Variants in CPEB3 observed in about 807,000 individuals in gnomAD.
The protein encoded by CPEB3 is cytoplasmic polyadenylation element-binding protein 3.
In CPEB3, 20 loss-of-function variants were observed where a neutral mutation model predicts 67.2. The ratio of observed to expected loss-of-function variants is 0.30; its 90% CI spans 0.21 to 0.43. The LOEUF is 0.43. Among genes scored for constraint, CPEB3 ranks in the 20% least tolerant of loss-of-function variants. CPEB3 has a pLI of 1.00. For synonymous variants in CPEB3, 376 were observed against 393.1 expected, an observed-to-expected ratio of 0.96 and a Z score of 0.51; for missense variants, 746 against 968.6, an observed-to-expected ratio of 0.77 and a Z score of 3.05.
intron 1 of CPEB3, among the ~76,000 whole-genome samples, chr10:92,244,617 T>C (rs1262970116): frequency 6.6e-6 from 1 of 151,876 alleles, no homozygotes; most frequent in Non-Finnish European, 1.5e-5. Context: ...TTTTGTATTT[T>C]TAGTAGAAAA....
chr10:92,258,466 T>C (rs1193261289), intron 1 of CPEB3, among the ~76,000 whole-genome samples: 5 of 151,650 alleles, frequency 3.3e-5, no homozygotes, highest in Non-Finnish European at 7.4e-5. Context: ...AATGAAATAG[T>C]GCAGATAAAT....
intron 6 of CPEB3, among the ~76,000 whole-genome samples, chr10:92,134,693 C>A (rs1360167900): frequency 3.3e-5 from 5 of 151,892 alleles, no homozygotes; most frequent in African/African-American, 1.2e-4. Context: ...CAAAAAAGAG[C>A]CCGCATTGCC....
chr10:92,172,122 C>T (rs1029486943), intron 4 of CPEB3, among the ~76,000 whole-genome samples: 4 of 151,842 alleles, frequency 2.6e-5, no homozygotes, highest in African/African-American at 4.8e-5. Context: ...ATAACAAGAC[C>T]CTGTCTCTAC....
chr10:92,113,498 A>T (rs1342526783), intron 6 of CPEB3, among the ~76,000 whole-genome samples: 1 of 152,250 alleles, frequency 6.6e-6, no homozygotes, highest in Non-Finnish European at 1.5e-5. Flanking sequence ...ACTGGTACAG[A>T]TATCCACAAA....
At chr10:92,219,018 C>A (rs1590422701) in intron 2 of CPEB3, among the ~76,000 whole-genome samples, 1 of 152,104 alleles carries the variant, frequency 6.6e-6, no homozygotes, top group African/African-American at 2.4e-5. Flanking sequence ...ATGTGCAATG[C>A]AAATTATGTT....
rs184304495 is a variant in CPEB3, at chr10:92,154,808, G to A, written c.1223-9723C>T. The stretch of plus-strand genomic sequence containing the variant: ...GGTCCTGAAATTCTACTCATCCCAG[G>A]AAACTTTTCAACACTTATCAGGAGA... On this transcript the variant is annotated intron_variant, in intron 4 of 9. Transcript: ENST00000265997. Among the ~76,000 whole-genome samples, 449 of 152,222 alleles carry A rather than the reference G, an allele frequency of 2.9e-3. 3 individuals carry two copies. Among genetic ancestry groups the A allele is most frequent in the Middle Eastern group, 6.8e-3 (2 of 294 alleles).
At chr10:92,072,660 G>A (rs1425840990) in intron 9 of CPEB3, among the ~76,000 whole-genome samples, 1 of 152,192 alleles carries the variant, frequency 6.6e-6, no homozygotes, top group Non-Finnish European at 1.5e-5. Context: ...TCCTAAGCCA[G>A]TACTTTTGTT....
At chr10:92,065,142 T>C (rs1474220297) in intron 9 of CPEB3, among the ~76,000 whole-genome samples, 4 of 152,170 alleles carry the variant, frequency 2.6e-5, no homozygotes, top group East Asian at 1.9e-4. Flanking sequence ...GTCCCCCATA[T>C]TGGGTAATCA....
At chr10:92,261,437 C>T (rs1219732502) in intron 1 of CPEB3, among the ~76,000 whole-genome samples, 2 of 151,736 alleles carry the variant, frequency 1.3e-5, no homozygotes, top group Non-Finnish European at 2.9e-5. Context: ...GTCCCTTTTT[C>T]TGTTTTGTTT....
intron 9 of CPEB3, among the ~76,000 whole-genome samples, chr10:92,073,069 A>G (rs1842811764): frequency 1.0e-5 from 1 of 99,176 alleles, no homozygotes. Flanking sequence ...TTTTTTTGAG[A>G]TAGGGTCTCA....
At chr10:92,186,400 T>C (rs1026854296) in intron 3 of CPEB3, among the ~76,000 whole-genome samples, 5 of 149,726 alleles carry the variant, frequency 3.3e-5, no homozygotes, top group African/African-American at 1.2e-4. Context: ...AAAATAATAA[T>C]AATCATCATC....
chr10:92,229,161 C>A (rs531129159), intron 2 of CPEB3, among the ~76,000 whole-genome samples: 1 of 151,880 alleles, frequency 6.6e-6, no homozygotes, highest in Non-Finnish European at 1.5e-5. Flanking sequence ...GTAGCTAGAA[C>A]TACAAGCATA....
chr10:92,101,588 G>A (rs1270534229), intron 7 of CPEB3, among the ~76,000 whole-genome samples: 1 of 152,080 alleles, frequency 6.6e-6, no homozygotes, highest in Non-Finnish European at 1.5e-5. Context: ...CAAAATGACT[G>A]GATTGCCCCA....
chr10:92,284,243 T>C (rs1329017065), intron 1 of CPEB3, among the ~76,000 whole-genome samples: 1 of 151,746 alleles, frequency 6.6e-6, no homozygotes, highest in Non-Finnish European at 1.5e-5. Context: ...TTCACCATTT[T>C]GGCCAGGATG....
intron 9 of CPEB3, among the ~76,000 whole-genome samples, chr10:92,057,919 A>G (rs1437787429): frequency 6.6e-6 from 1 of 152,230 alleles, no homozygotes; most frequent in Non-Finnish European, 1.5e-5. Context: ...GAAACAGCTT[A>G]GAATACAACA....
intron 2 of CPEB3, among the ~76,000 whole-genome samples, chr10:92,238,121 T>C (rs1490310265): frequency 6.6e-6 from 1 of 152,190 alleles, no homozygotes; most frequent in African/African-American, 2.4e-5. Context: ...CCTCAAAGGA[T>C]TTCTGCTTCA....
intron 1 of CPEB3, among the ~76,000 whole-genome samples, chr10:92,268,086 G>T (rs1045141100): frequency 6.6e-6 from 1 of 152,068 alleles, no homozygotes; most frequent in African/African-American, 2.4e-5. Context: ...AAAGTGCTGG[G>T]ATTACAGGCC....
rs917051430 is a variant in CPEB3, at chr10:92,046,977, G to A, written c.*5235C>T. 9 of 152,220 alleles carry A rather than the reference G, an allele frequency of 5.9e-5. No individual in the cohort carries two copies. Among genetic ancestry groups the A allele is most frequent in the African/African-American group, 2.2e-4 (9 of 41,452 alleles). 9.4% of individuals were successfully genotyped at this position (152,220 alleles called of 1,614,324 possible). A position where few individuals can be genotyped will look rare whatever the true frequency, so the allele number is the denominator to read the frequency against. On this transcript the variant is annotated 3_prime_UTR_variant, in exon 10 of 10. Coordinates refer to ENST00000265997, the MANE Select transcript of CPEB3 (RefSeq NM_014912.5). The stretch of plus-strand genomic sequence containing the variant: ...GATCCTAGCTGTGAACACTCTAAAA[G>A]TTAAGTCCATTATTTTGACAGCAAA...
At chr10:92,264,941 G>A (rs1012355819) in intron 1 of CPEB3, among the ~76,000 whole-genome samples, 7 of 152,048 alleles carry the variant, frequency 4.6e-5, no homozygotes, top group African/African-American at 1.4e-4. Flanking sequence ...CAAGGTGGGC[G>A]GATCACCTGA....
Sources: gnomAD v4.1 joint callset for allele counts (sites outside exome capture counted in the v4.1 genomes callset) on GRCh38, gnomAD v4.1.1 for gene constraint, MANE v1.5 for transcripts, NCBI Gene and HGNC (gene_info 2026-07-23, HGNC 2026-07-21) for gene names.